SNX27: variants seen among roughly 807,000 people sequenced by gnomAD.
The protein encoded by SNX27 is sorting nexin-27.
SNX27 carries 22 observed loss-of-function variants against 71.6 expected under a neutral mutation model. That is an observed-to-expected ratio of 0.31 (90% CI 0.22 to 0.44). The LOEUF is 0.44. Ranked by LOEUF, SNX27 falls within the 20% of genes least tolerant of loss-of-function variation. The pLI is 1.00. For synonymous variants in SNX27, 269 were observed against 277.2 expected, an observed-to-expected ratio of 0.97 and a Z score of 0.29; for missense variants, 531 against 698.6, an observed-to-expected ratio of 0.76 and a Z score of 2.70.
At chr1:151,693,613 T>C (rs1671563701) in intron 11 of SNX27, 130 bp downstream of exon 11, 1 of 1,613,856 alleles carries the variant, frequency 6.2e-7, no homozygotes, top group African/African-American at 1.3e-5. Flanking sequence ...TAGAGACTGA[T>C]TATCTCATGT....
chr1:151,692,446 G>A lies in SNX27; in HGVS notation c.1251G>A (p.Met417Ile), dbSNP rs1358983966. 2 of 457,910 alleles carry A rather than the reference G, an allele frequency of 4.4e-6. No individual in the cohort carries two copies. Among genetic ancestry groups the A allele is most frequent in the Non-Finnish European group, 4.1e-6 (1 of 245,026 alleles). 28.4% of individuals were successfully genotyped at this position (457,910 alleles called of 1,614,324 possible). ...EQRKMVMYLN[M>I]LRTCEGYNEI... ...TTTTTTTTTTTTAGTACCTCAACAT[G>A]CTAAGGACTTGTGAGGGCTACAATG... is the stretch of plus-strand genomic sequence containing the variant. Residue 417 changes from methionine (M) to isoleucine (I), a missense_variant, in exon 9 of 12, where the codon ATG becomes ATA. Met to Ile is a conservative substitution (Grantham distance 10). Transcript: ENST00000458013.
Position 151,668,648 on chromosome 1 carries a change from ATCT to A in SNX27, c.1149+18_1149+20del, listed in dbSNP as rs1159731252. The A allele has an allele frequency of 6.2e-7, 1 of 1,606,722 alleles. No individual in the cohort carries two copies. Among genetic ancestry groups the A allele is most frequent in the Non-Finnish European group, 8.5e-7 (1 of 1,177,318 alleles). Reference sequence around the variant, plus strand: ...CTTCTTTCATCAGGTAGGTGAATTGATCTTCTTGAAAGGCACAATTTCTTTTTA... The same window carrying A: ...CTTCTTTCATCAGGTAGGTGAATTGATCTTGAAAGGCACAATTTCTTTTTA... On this transcript the variant is annotated intron_variant, in intron 7 of 11. Transcript: ENST00000458013.
intron 7 of SNX27, chr1:151,677,986 A>G (rs1348144944): frequency 1.3e-5 from 2 of 152,186 alleles, no homozygotes; most frequent in Non-Finnish European, 2.9e-5. Flanking sequence ...GTATAGTTCA[A>G]TAGTGTTAAG....
At position 151,696,498 on chromosome 1, in the gene SNX27, T is replaced by TTTCTTTCTTTCTTTCTTTCTTTCG. The variant is rs1553267129; in HGVS notation, c.*2088_*2089insTTTCTTTCTTTCTTTCGTTCTTTC. Reference sequence around the variant, plus strand: ...CTTTCTTTCTTTCTTTCTTTCTTTCTTTCTTTCGTTCTTTCGTTCTTTCGT... The same window carrying TTTCTTTCTTTCTTTCTTTCTTTCG: ...CTTTCTTTCTTTCTTTCTTTCTTTCTTTCTTTCTTTCTTTCTTTCTTTCGTTCTTTCGTTCTTTCGTTCTTTCGT... On this transcript the variant is annotated 3_prime_UTR_variant, in exon 12 of 12. Coordinates refer to ENST00000458013, the MANE Select transcript of SNX27 (RefSeq NM_001330723.2). The TTTCTTTCTTTCTTTCTTTCTTTCG allele has an allele frequency of 5.0e-4, 53 of 106,584 alleles. No homozygotes were observed. Among genetic ancestry groups the TTTCTTTCTTTCTTTCTTTCTTTCG allele is most frequent in the East Asian group, 1.7e-3 (7 of 4,004 alleles). 6.6% of individuals were successfully genotyped at this position (106,584 alleles called of 1,614,324 possible).
At chr1:151,614,577 C>T (rs1667347152) in intron 1 of SNX27, 1 of 152,200 alleles carries the variant, frequency 6.6e-6, no homozygotes, top group Non-Finnish European at 1.5e-5. Context: ...CCGCCTCGGC[C>T]TCCCAAAGTG....
At chr1:151,624,411 A>T (rs1444111494) in intron 1 of SNX27, among the ~76,000 whole-genome samples, 1 of 44,698 alleles carries the variant, frequency 2.2e-5, no homozygotes, top group East Asian at 2.5e-4. Flanking sequence ...GCTTGATTTT[A>T]TATATATATA....
intron 10 of SNX27, 73 bp from the exon 11 acceptor site, chr1:151,693,351 C>T: frequency 1.4e-6 from 2 of 1,403,474 alleles, no homozygotes; most frequent in East Asian, 2.3e-5. Context: ...TGACTGGGGA[C>T]AGGAGTTCAA....
rs752312603 is a variant in SNX27 at position 151,612,270 on chromosome 1, C to T, written c.69C>T (p.Gly23=). 17 of 1,450,246 alleles carry T rather than the reference C, an allele frequency of 1.2e-5. No individual in the cohort carries two copies. The Admixed American group carries it at 4.8e-4, about 41-fold the overall frequency. 89.8% of individuals were successfully genotyped at this position (1,450,246 alleles called of 1,614,324 possible). The change falls in exon 1 of 12, where the codon GGC becomes GGT. Residue 23 remains glycine, a synonymous_variant. Transcript: ENST00000458013. The surrounding 1 kb of genome is among the most constrained non-coding windows in gnomAD (Gnocchi z 5.2). ...APHRNGGGGG[G]GGSGLHCAGN... ...ACAGGAACGGAGGTGGCGGCGGCGG[C>T]GGGGGGTCTGGGCTCCACTGCGCCG...
Position 151,612,161 on chromosome 1 carries a change from G to C in SNX27, c.-41G>C. On this transcript the variant is annotated 5_prime_UTR_variant, in exon 1 of 12. Coordinates refer to ENST00000458013, the MANE Select transcript of SNX27 (RefSeq NM_001330723.2). The surrounding 1 kb of genome is among the most constrained non-coding windows in gnomAD (Gnocchi z 5.2). The stretch of plus-strand genomic sequence containing the variant: ...GGGCGAGCACGCGCCGGGAGGCCTT[G>C]GAGGCGTAGGGGGCGGGGGTACGGC... 7.7e-7 allele frequency: 1 copy of C among 1,303,474 alleles called. No individual in the cohort carries two copies. The highest frequency in any genetic ancestry group is 4.2e-5 in the Admixed American group (1 of 24,050). The allele number at this position is 1,303,474 out of a possible 1,614,324, so 80.7% of individuals were successfully genotyped here.
chr1:151,617,268 T>G (rs1311573706), intron 1 of SNX27, among the ~76,000 whole-genome samples: 2 of 145,754 alleles, frequency 1.4e-5, no homozygotes, highest in Non-Finnish European at 3.1e-5. Context: ...TGTAGTTTTA[T>G]TTATTTATTT....
rs1291849896 is a variant in SNX27, at chr1:151,612,060, A to C, written c.-142A>C. The C allele has an allele frequency of 1.9e-5, 18 of 937,748 alleles. No homozygotes were observed. The highest frequency in any genetic ancestry group is 3.6e-4 in the Middle Eastern group (1 of 2,796). 58.1% of individuals were successfully genotyped at this position (937,748 alleles called of 1,614,324 possible). A position where few individuals can be genotyped will look rare whatever the true frequency, so the allele number is the denominator to read the frequency against. On this transcript the variant is annotated 5_prime_UTR_variant, in exon 1 of 12. Coordinates refer to ENST00000458013, the MANE Select transcript of SNX27 (RefSeq NM_001330723.2). The surrounding 1 kb of genome is among the most constrained non-coding windows in gnomAD (Gnocchi z 5.2). ...CCCTGCCTCCTCTTCACCCCGCGCC[A>C]GCAGCTCGGTGGCCGAGTCGGTCCC...
intron 1 of SNX27, among the ~76,000 whole-genome samples, chr1:151,633,321 C>G (rs1668326628): frequency 6.6e-6 from 1 of 152,118 alleles, no homozygotes; most frequent in Non-Finnish European, 1.5e-5. Flanking sequence ...TTTCCTGACA[C>G]AGAGTCTCAC....
At position 151,697,223 on chromosome 1, in the gene SNX27, G is replaced by A. The variant is rs1159255032; in HGVS notation, c.*2806G>A. On this transcript the variant is annotated 3_prime_UTR_variant, in exon 12 of 12. Transcript: ENST00000458013. The stretch of plus-strand genomic sequence containing the variant: ...ACATGTTGATTTCCCACTCCTAGAT[G>A]CTAAAGAGACTTGGCACCAGCTTTG... 1 of 150,982 alleles carries A rather than the reference G, an allele frequency of 6.6e-6. No homozygotes were observed. The highest frequency in any genetic ancestry group is 1.5e-5 in the Non-Finnish European group (1 of 68,024). The allele number at this position is 150,982 out of a possible 1,614,324, so 9.4% of individuals were successfully genotyped here.
chr1:151,615,566 A>G, intron 1 of SNX27: 1 of 353,758 alleles, frequency 2.8e-6, no homozygotes, highest in Non-Finnish European at 4.0e-6. Flanking sequence ...AAGTTCTTAA[A>G]GTTTACCTCT....
intron 1 of SNX27, among the ~76,000 whole-genome samples, chr1:151,637,172 T>G (rs78079989): frequency 3.0e-4 from 31 of 103,384 alleles, no homozygotes; most frequent in South Asian, 9.1e-4. Flanking sequence ...GTTTTTTTGT[T>G]TTTTTTTTTT....
intron 3 of SNX27, chr1:151,660,341 A>G (rs1252430974): frequency 1.3e-5 from 2 of 151,772 alleles, no homozygotes; most frequent in African/African-American, 4.8e-5. Flanking sequence ...TTCCCAAAAT[A>G]GCTTTTAATT....
At chr1:151,638,507 C>T (rs951387271) in intron 1 of SNX27, among the ~76,000 whole-genome samples, 1 of 152,134 alleles carries the variant, frequency 6.6e-6, no homozygotes, top group Non-Finnish European at 1.5e-5. Flanking sequence ...ATTCAAGTGG[C>T]AGGGCTGTCA....
chr1:151,656,557 A>G (rs1038429964), intron 2 of SNX27, among the ~76,000 whole-genome samples: 2 of 152,204 alleles, frequency 1.3e-5, no homozygotes, highest in Non-Finnish European at 2.9e-5. Flanking sequence ...TTTAGCTTAC[A>G]TTTCGGCATT....
At chr1:151,656,089 G>C (rs1476962322) in intron 2 of SNX27, among the ~76,000 whole-genome samples, 1 of 152,076 alleles carries the variant, frequency 6.6e-6, no homozygotes, top group Non-Finnish European at 1.5e-5. Flanking sequence ...CGGCCATGGT[G>C]GTGGGTGCCT....
Sources: allele counts gnomAD v4.1 joint callset (sites outside exome capture counted in the v4.1 genomes callset), GRCh38; gene constraint gnomAD v4.1.1; non-coding constraint Gnocchi (gnomAD v3.1); transcripts MANE v1.5; gene names NCBI Gene and HGNC (gene_info 2026-07-23, HGNC 2026-07-21).